The following MGA variants were observed in gnomAD, a reference collection of about 807,000 sequenced individuals.
MGA encodes MAX dimerization protein MGA, also known as MAX gene-associated protein.
Under a neutral mutation model 261.1 loss-of-function variants are expected in MGA, and 40 were observed. That is an observed-to-expected ratio of 0.15 (90% CI 0.12 to 0.20). The LOEUF is 0.20. Ranked by LOEUF, MGA falls within the 10% of genes least tolerant of loss-of-function variation. MGA has a pLI of 1.00. For synonymous variants in MGA, 1,302 were observed against 1,290.6 expected (o/e 1.01, Z -0.19); for missense variants, 3,397 against 3,630.5 (o/e 0.94, Z 1.65).
intron 18 of MGA, among the ~76,000 whole-genome samples, chr15:41,755,292 C>T (rs1325521421): frequency 2.0e-5 from 3 of 152,182 alleles, no homozygotes; most frequent in Admixed American, 6.5e-5. Context: ...AAGAATAATT[C>T]TTCGTTCCTA....
intron 13 of MGA, among the ~76,000 whole-genome samples, chr15:41,738,919 G>A (rs1038687182): frequency 6.6e-6 from 1 of 152,098 alleles, no homozygotes; most frequent in African/African-American, 2.4e-5. Flanking sequence ...ATTTTGTTTT[G>A]TGTCTCTGAA....
intron 2 of MGA, among the ~76,000 whole-genome samples, chr15:41,694,791 C>T (rs61104950): frequency 0.25 from 38,144 of 151,978 alleles, 5,268 homozygotes; most frequent in Middle Eastern, 0.43. Flanking sequence ...GGATTACAGG[C>T]GTGAGCCACT....
chr15:41,663,627 G>T (rs11637341), intron 1 of MGA, among the ~76,000 whole-genome samples: 43,626 of 151,666 alleles, frequency 0.29, 7,404 homozygotes, highest in Admixed American at 0.38. Context: ...GCAACACGAC[G>T]CCCGGCTAAT....
At chr15:41,654,407 T>C (rs1451999245) in intron 1 of MGA, among the ~76,000 whole-genome samples, 2 of 152,178 alleles carry the variant, frequency 1.3e-5, no homozygotes, top group Admixed American at 1.3e-4. Context: ...TAATAGATGA[T>C]GGATGTTTTG....
chr15:41,630,972 G>A (rs1252057225), intron 1 of MGA, among the ~76,000 whole-genome samples: 6 of 152,320 alleles, frequency 3.9e-5, no homozygotes, highest in Admixed American at 1.3e-4. Flanking sequence ...TCATAAGCAT[G>A]TATTGAGTAC....
At chr15:41,672,293 A>G (rs542164476) in intron 2 of MGA, among the ~76,000 whole-genome samples, 1 of 152,328 alleles carries the variant, frequency 6.6e-6, no homozygotes, top group African/African-American at 2.4e-5. Context: ...AGCTGGGACT[A>G]CAGGCATGCA....
intron 2 of MGA, chr15:41,684,349 AT>A (rs2058833293): frequency 2.2e-6 from 1 of 444,834 alleles, no homozygotes; most frequent in Non-Finnish European, 4.5e-6. Context: ...AACAAAAAAA[AT>A]CCTTTTAATT....
chr15:41,626,866 A>G (rs1180420820), intron 1 of MGA, among the ~76,000 whole-genome samples: 3 of 152,080 alleles, frequency 2.0e-5, no homozygotes, highest in African/African-American at 7.2e-5. Context: ...AATTAAAATA[A>G]TTTATTTTAG....
chr15:41,760,437 CG>C lies in MGA; in HGVS notation c.7307del (p.Arg2436LeufsTer4). The C allele has an allele frequency of 6.2e-7, 1 of 1,613,912 alleles. No homozygotes were observed. ...ACACACTGCCAATGAGCGGCGGCGG[CG>C]TGGTGAAATGAGGGATCTCTTTGAG... On this transcript the variant is annotated frameshift_variant, in exon 20 of 24. Transcript: ENST00000219905. LOFTEE classifies it high-confidence loss of function.
At chr15:41,638,694 T>TC (rs1041720189) in intron 1 of MGA, among the ~76,000 whole-genome samples, 2 of 147,206 alleles carry the variant, frequency 1.4e-5, no homozygotes, top group African/African-American at 5.0e-5. Flanking sequence ...TTTTCTTTTT[T>TC]TTTTTTTTTT....
intron 17 of MGA, among the ~76,000 whole-genome samples, chr15:41,754,079 T>C (rs912546033): frequency 1.3e-5 from 2 of 152,054 alleles, no homozygotes; most frequent in African/African-American, 4.8e-5. Context: ...CCACCATGTC[T>C]GGCTAATTTT....
intron 2 of MGA, among the ~76,000 whole-genome samples, chr15:41,677,979 T>C (rs1023788700): frequency 1.2e-4 from 18 of 152,180 alleles, no homozygotes; most frequent in African/African-American, 3.9e-4. Context: ...CTTTTGATGT[T>C]ATGCTTAAGA....
upstream of MGA, among the ~76,000 whole-genome samples, chr15:41,656,465 C>T (rs1253415455): frequency 6.6e-6 from 1 of 151,470 alleles, no homozygotes; most frequent in Non-Finnish European, 1.5e-5. Context: ...CCTCACCCTC[C>T]TGAGTGGCTG....
chr15:41,709,566 TC>T (rs1395244445), intron 7 of MGA, among the ~76,000 whole-genome samples: 51 of 151,872 alleles, frequency 3.4e-4, no homozygotes, highest in Admixed American at 3.3e-3. Context: ...CTGCTCAGCC[TC>T]CAGAATAGCT....
intron 1 of MGA, among the ~76,000 whole-genome samples, chr15:41,664,042 T>C (rs1030258854): frequency 1.3e-5 from 2 of 152,244 alleles, no homozygotes; most frequent in Non-Finnish European, 2.9e-5. Context: ...GTAGCTGTTA[T>C]GGCTCAAGAT....
At chr15:41,735,798 A>G (rs1317266524) in intron 12 of MGA, among the ~76,000 whole-genome samples, 1 of 152,138 alleles carries the variant, frequency 6.6e-6, no homozygotes, top group Non-Finnish European at 1.5e-5. Flanking sequence ...TAATCTGTAC[A>G]TGTTTCAAAG....
chr15:41,660,696 G>A (rs2150808543), intron 1 of MGA, among the ~76,000 whole-genome samples, 171 bp downstream of exon 1: 1 of 152,306 alleles, frequency 6.6e-6, no homozygotes, highest in Admixed American at 6.5e-5. Flanking sequence ...GCGCGCCCCT[G>A]TGGTCCCTGA....
At chr15:41,710,261 G>C (rs943471136) in intron 7 of MGA, among the ~76,000 whole-genome samples, 3 of 152,158 alleles carry the variant, frequency 2.0e-5, no homozygotes, top group African/African-American at 7.2e-5. Context: ...TAATGTGATA[G>C]TTTTAGAGTA....
chr15:41,696,793 A>G lies in MGA; in HGVS notation c.1783A>G (p.Thr595Ala), dbSNP rs74929459. Reference sequence around the variant, plus strand: ...GAGAACAACTATGCTTAAGATTGCAACAGCCGCAAAGGTAGTGAATGCTAA... The same window carrying G: ...GAGAACAACTATGCTTAAGATTGCAGCAGCCGCAAAGGTAGTGAATGCTAA... The change falls in exon 3 of 24, where the codon ACA (threonine) becomes GCA (alanine). Residue 595 changes from threonine to alanine, a missense_variant. This residue lies in a region of MGA where 563 missense variants were observed against 563.6 expected (regional missense o/e 1.00). Transcript: ENST00000219905. 6 of 1,604,318 alleles carry G rather than the reference A, an allele frequency of 3.7e-6. No homozygotes were observed. In the South Asian group the frequency reaches 5.6e-5, roughly 15 times the overall value.
Sources: allele counts gnomAD v4.1 joint callset (sites outside exome capture counted in the v4.1 genomes callset), GRCh38; gene constraint gnomAD v4.1.1; regional missense constraint gnomAD v4.1.1; transcripts MANE v1.5; gene names NCBI Gene and HGNC (gene_info 2026-07-23, HGNC 2026-07-21).